The following ERBB4 variants were observed in gnomAD, a reference collection of about 807,000 sequenced individuals.
ERBB4 encodes receptor tyrosine-protein kinase erbB-4.
A neutral mutation model predicts 158.0 loss-of-function variants in ERBB4; 42 were observed. That is an observed-to-expected ratio of 0.27 (90% confidence interval 0.21 to 0.34). The LOEUF (loss-of-function observed/expected upper bound fraction) is 0.34, where lower values mean the gene tolerates loss of function less well. ERBB4 is among the 10% of genes least tolerant of loss of function. The pLI, the probability that ERBB4 is intolerant of heterozygous loss-of-function variation, is 1.00. For missense variants in ERBB4, 1,333 were observed against 1,624.1 expected (o/e 0.82, Z 3.08); for synonymous variants, 583 against 558.7 (o/e 1.04, Z -0.61).
chr2:212,321,207 A>T (rs1016318584), intron 1 of ERBB4, among the ~76,000 whole-genome samples: 3 of 150,400 alleles, frequency 2.0e-5, no homozygotes, highest in Non-Finnish European at 4.5e-5. Flanking sequence ...CCATCGTGTA[A>T]TTATGATATA....
chr2:211,614,674 C>T (rs187548773), intron 19 of ERBB4, among the ~76,000 whole-genome samples: 1 of 151,914 alleles, frequency 6.6e-6, no homozygotes, highest in Non-Finnish European at 1.5e-5. Flanking sequence ...GAACAAAATA[C>T]CTTTTCAAAT....
At chr2:212,422,507 A>ACG (rs954605444) in intron 1 of ERBB4, among the ~76,000 whole-genome samples, 12 of 151,906 alleles carry the variant, frequency 7.9e-5, no homozygotes, top group Non-Finnish European at 1.8e-4. Context: ...CAAAACACAC[A>ACG]CACACACACA....
At chr2:211,885,108 T>C (rs370243052) in intron 3 of ERBB4, among the ~76,000 whole-genome samples, 3 of 152,292 alleles carry the variant, frequency 2.0e-5, no homozygotes, top group Admixed American at 6.5e-5. Context: ...GTTGAATTGA[T>C]ATTTAAAATT....
At chr2:211,697,005 A>G (rs1193079087) in intron 12 of ERBB4, among the ~76,000 whole-genome samples, 1 of 152,194 alleles carries the variant, frequency 6.6e-6, no homozygotes, top group Non-Finnish European at 1.5e-5. Flanking sequence ...TCACGGTGAA[A>G]TGAAGAGCCT....
intron 1 of ERBB4, among the ~76,000 whole-genome samples, chr2:212,263,748 C>A (rs1213593395): frequency 6.6e-6 from 1 of 151,868 alleles, no homozygotes; most frequent in Non-Finnish European, 1.5e-5. Flanking sequence ...ATGTTAATAA[C>A]CCATCCTAGG....
intron 20 of ERBB4, among the ~76,000 whole-genome samples, chr2:211,556,321 T>G (rs2067236499): frequency 6.6e-6 from 1 of 152,146 alleles, no homozygotes; most frequent in African/African-American, 2.4e-5. Context: ...ATATTTAGAC[T>G]CCCACACAAT....
At chr2:212,535,930 A>T (rs1047169983) in intron 1 of ERBB4, among the ~76,000 whole-genome samples, 2 of 152,230 alleles carry the variant, frequency 1.3e-5, no homozygotes, top group African/African-American at 4.8e-5. Flanking sequence ...CTGCTTAAGA[A>T]ATTAGCATTT....
intron 1 of ERBB4, among the ~76,000 whole-genome samples, chr2:212,259,994 G>A (rs570975073): frequency 2.0e-4 from 31 of 151,772 alleles, no homozygotes; most frequent in African/African-American, 5.8e-4. Flanking sequence ...GCTTGAACCC[G>A]GGAGGCAGAG....
chr2:212,500,254 C>CAT (rs1018093674), intron 1 of ERBB4, among the ~76,000 whole-genome samples: 27 of 152,152 alleles, frequency 1.8e-4, no homozygotes, highest in African/African-American at 6.3e-4. Flanking sequence ...TAAGGATTCA[C>CAT]ATACACAGTT....
intron 4 of ERBB4, among the ~76,000 whole-genome samples, chr2:211,770,493 C>T (rs533434028): frequency 1.7e-4 from 26 of 152,168 alleles, no homozygotes; most frequent in African/African-American, 6.3e-4. Flanking sequence ...GGTGTGAAAA[C>T]CTTTCTCATA....
intron 1 of ERBB4, among the ~76,000 whole-genome samples, chr2:212,375,537 T>A (rs1039796478): frequency 5.3e-5 from 8 of 152,104 alleles, no homozygotes; most frequent in South Asian, 2.1e-4. Flanking sequence ...CAACTACATA[T>A]CTGAGAGTGT....
Position 211,380,230 on chromosome 2 carries a change from G to C in ERBB4, c.*3385C>G, listed in dbSNP as rs897863607. ...ACTAATACTATGCAGAAAACCAGGA[G>C]CTGCTTGGTAGTCTAACACCTTTTG... is the stretch of plus-strand genomic sequence containing the variant. On this transcript the variant is annotated 3_prime_UTR_variant, in exon 28 of 28. Transcript: ENST00000342788. The C allele has an allele frequency of 4.3e-6, 1 of 232,154 alleles. No homozygotes were observed. The highest frequency in any genetic ancestry group is 2.2e-5 in the African/African-American group (1 of 45,266). The allele number at this position is 232,154 out of a possible 1,614,324, so 14.4% of individuals were successfully genotyped here.
At chr2:211,778,613 T>C (rs1314859570) in intron 4 of ERBB4, 2 of 152,214 alleles carry the variant, frequency 1.3e-5, no homozygotes, top group South Asian at 2.1e-4. Context: ...GCGTCTTCAA[T>C]AGTGGAAGCC....
At chr2:211,904,071 C>G (rs1225630389) in intron 3 of ERBB4, among the ~76,000 whole-genome samples, 2 of 152,078 alleles carry the variant, frequency 1.3e-5, no homozygotes, top group Non-Finnish European at 2.9e-5. Context: ...ACATCAGGGT[C>G]AGCCGCTAAT....
intron 1 of ERBB4, among the ~76,000 whole-genome samples, chr2:212,199,404 T>C (rs761921561): frequency 6.6e-6 from 1 of 152,184 alleles, no homozygotes; most frequent in Non-Finnish European, 1.5e-5. Flanking sequence ...TTAAATATTT[T>C]AAAAATAATC....
rs191327432 is a variant in ERBB4 at position 212,510,968 on chromosome 2, A to C, written c.82+27481T>G. Among the ~76,000 whole-genome samples the C allele has an allele frequency of 1.6e-3, 249 of 152,284 alleles. 1 individual carries two copies. Among genetic ancestry groups the C allele is most frequent in the African/African-American group, 5.8e-3 (243 of 41,578 alleles). On this transcript the variant is annotated intron_variant, in intron 1 of 27. Coordinates refer to ENST00000342788, the MANE Select transcript of ERBB4 (RefSeq NM_005235.3). ...ATAGCCAGTAAAATTATAATAACAA[A>C]ATACTAATAAGAATATATGACCCCA...
intron 14 of ERBB4, among the ~76,000 whole-genome samples, chr2:211,666,269 A>C (rs1354947974): frequency 2.0e-5 from 3 of 152,156 alleles, no homozygotes; most frequent in African/African-American, 4.8e-5. Context: ...AAAATAGTCC[A>C]TAATAATAAA....
At chr2:211,631,271 C>G (rs540435262) in intron 16 of ERBB4, among the ~76,000 whole-genome samples, 30 of 152,184 alleles carry the variant, frequency 2.0e-4, no homozygotes, top group African/African-American at 6.7e-4. Context: ...CCCCACACCT[C>G]TGGAGTATAA....
At chr2:211,862,857 C>T (rs371940436) in intron 3 of ERBB4, among the ~76,000 whole-genome samples, 1 of 152,248 alleles carries the variant, frequency 6.6e-6, no homozygotes, top group African/African-American at 2.4e-5. Flanking sequence ...GTGGGGACTT[C>T]GAGAACTTTT....
Sources: allele counts gnomAD v4.1 joint callset (sites outside exome capture counted in the v4.1 genomes callset), GRCh38; gene constraint gnomAD v4.1.1; transcripts MANE v1.5; gene names NCBI Gene and HGNC (gene_info 2026-07-23, HGNC 2026-07-21).